The following KLF6 variants were observed in gnomAD, a reference collection of about 807,000 sequenced individuals.
KLF6 encodes KLF transcription factor 6.
For synonymous variants in KLF6, 152 were observed against 147.9 expected, an observed-to-expected ratio of 1.03 and a Z score of -0.20; for missense variants, 233 against 359.8, an observed-to-expected ratio of 0.65 and a Z score of 2.85.
Position 3,780,282 on chromosome 10 carries a change from G to T in KLF6, c.677-53C>A. 6.2e-7 allele frequency: 1 copy of T among 1,607,102 alleles called. No homozygotes were observed. On this transcript the variant is annotated intron_variant, in intron 2 of 3. Coordinates refer to ENST00000497571, the MANE Select transcript of KLF6 (RefSeq NM_001300.6). The surrounding 1 kb of genome is among the most constrained non-coding windows in gnomAD (Gnocchi z 4.6). ...CCATGACTTCACTGACCCGCAGACGGAAAGGGGAAATTCAACAACACACAC... is the reference window on the plus strand; with the variant it reads ...CCATGACTTCACTGACCCGCAGACGTAAAGGGGAAATTCAACAACACACAC...
chr10:3,776,688 T>C lies in KLF6; in HGVS notation c.*2851A>G. On this transcript the variant is annotated 3_prime_UTR_variant, in exon 4 of 4. Coordinates refer to ENST00000497571, the MANE Select transcript of KLF6 (RefSeq NM_001300.6). ...AAAAATCTTACAAAGATTCTTTAGA[T>C]AACAGGGTGCTTCCAAAAAAAAAAA... The C allele has an allele frequency of 2.2e-6, 1 of 457,990 alleles. No individual in the cohort carries two copies. Among genetic ancestry groups the C allele is most frequent in the Non-Finnish European group, 4.1e-6 (1 of 245,208 alleles). The allele number at this position is 457,990 out of a possible 1,614,324, so 28.4% of individuals were successfully genotyped here.
chr10:3,784,776 G>A (rs1212210104), intron 1 of KLF6, 137 bp downstream of exon 1: 15 of 765,854 alleles, frequency 2.0e-5, no homozygotes, highest in Non-Finnish European at 2.9e-5. Context: ...GATCGGCGGG[G>A]GCGCTGCGCC....
rs1457330934 is a variant in KLF6, at chr10:3,781,731, T to G, written c.586A>C (p.Arg196=). 1 of 1,614,192 alleles carries G rather than the reference T, an allele frequency of 6.2e-7. No homozygotes were observed. Residue 196 remains arginine, a synonymous_variant, in exon 2 of 4, where the codon AGG becomes CGG. Coordinates refer to ENST00000497571, the MANE Select transcript of KLF6 (RefSeq NM_001300.6). The surrounding 1 kb of genome is among the most constrained non-coding windows in gnomAD (Gnocchi z 5.8). ...KGNGDASPDG[R]RRVHRCHFNG... ...AAGTGGCACCGGTGCACCCTCCTCC[T>G]GCCGTCGGGGGAGGCATCGCCATTT...
Position 3,776,200 on chromosome 10 carries a change from C to T in KLF6, c.*3339G>A. 1 of 532,098 alleles carries T rather than the reference C, an allele frequency of 1.9e-6. No individual in the cohort carries two copies. The highest frequency in any genetic ancestry group is 3.6e-6 in the Non-Finnish European group (1 of 274,886). 33.0% of individuals were successfully genotyped at this position (532,098 alleles called of 1,614,324 possible). A position where few individuals can be genotyped will look rare whatever the true frequency, so the allele number is the denominator to read the frequency against. The stretch of plus-strand genomic sequence containing the variant: ...GCAGGCTGTGGAGGCACAGAAGTGG[C>T]AGGGAAACACTCAAGTTTGTCGTTG... On this transcript the variant is annotated 3_prime_UTR_variant, in exon 4 of 4. Coordinates refer to ENST00000497571, the MANE Select transcript of KLF6 (RefSeq NM_001300.6).
In KLF6 at chr10:3,778,169, G is replaced by A. The variant is rs554226109; in HGVS notation, c.*1370C>T. 3.7e-4 allele frequency: 194 copies of A among 521,818 alleles called. 1 individual carries two copies. Among genetic ancestry groups the A allele is most frequent in the African/African-American group, 3.4e-3 (183 of 53,218 alleles). 32.3% of individuals were successfully genotyped at this position (521,818 alleles called of 1,614,324 possible). On this transcript the variant is annotated 3_prime_UTR_variant, in exon 4 of 4. Coordinates refer to ENST00000497571, the MANE Select transcript of KLF6 (RefSeq NM_001300.6). ...TCTTTGTGAAGGAGGACCTTAAAGA[G>A]ATTTTTTTTCTGTATTATACGTTGA...
Position 3,778,478 on chromosome 10 carries a change from A to G in KLF6, c.*1061T>C, listed in dbSNP as rs748646759. 5.7e-6 allele frequency: 3 copies of G among 525,358 alleles called. No individual in the cohort carries two copies. Among genetic ancestry groups the G allele is most frequent in the South Asian group, 4.6e-5 (3 of 65,114 alleles). The allele number at this position is 525,358 out of a possible 1,614,324, so 32.5% of individuals were successfully genotyped here. The stretch of plus-strand genomic sequence containing the variant: ...CATTAGACCAGCAATTCCCAGCCCC[A>G]GCTTTGTGACACTCAATACGTGTCC... On this transcript the variant is annotated 3_prime_UTR_variant, in exon 4 of 4. Coordinates refer to ENST00000497571, the MANE Select transcript of KLF6 (RefSeq NM_001300.6).
Position 3,785,147 on chromosome 10 carries a change from G to A in KLF6, c.-133C>T, listed in dbSNP as rs1219868667. ...CCAGGCTCGCAGAGACGCCCGGCCG[G>A]ACCCTCCCGCAGCCCGCAGCGCGCG... On this transcript the variant is annotated 5_prime_UTR_variant, in exon 1 of 4. Coordinates refer to ENST00000497571, the MANE Select transcript of KLF6 (RefSeq NM_001300.6). The A allele has an allele frequency of 6.6e-7, 1 of 1,525,536 alleles. No homozygotes were observed. The highest frequency in any genetic ancestry group is 1.4e-5 in the African/African-American group (1 of 72,720). 94.5% of individuals were successfully genotyped at this position (1,525,536 alleles called of 1,614,324 possible).
chr10:3,778,962 C>T lies in KLF6; in HGVS notation c.*577G>A, dbSNP rs984130425. ...GGGGGAGAGAGGCTCTCCCTCCCCA[C>T]ACCACTCGCCACTCTGGGGTCCTGA... is the stretch of plus-strand genomic sequence containing the variant. On this transcript the variant is annotated 3_prime_UTR_variant, in exon 4 of 4. Coordinates refer to ENST00000497571, the MANE Select transcript of KLF6 (RefSeq NM_001300.6). 20 of 534,850 alleles carry T rather than the reference C, an allele frequency of 3.7e-5. No homozygotes were observed. Among genetic ancestry groups the T allele is most frequent in the African/African-American group, 3.1e-4 (17 of 53,984 alleles). 33.1% of individuals were successfully genotyped at this position (534,850 alleles called of 1,614,324 possible). A position where few individuals can be genotyped will look rare whatever the true frequency, so the allele number is the denominator to read the frequency against.
rs1463809124 is a variant in KLF6 at position 3,778,940 on chromosome 10, GGA to G, written c.*597_*598del. On this transcript the variant is annotated 3_prime_UTR_variant, in exon 4 of 4. Transcript: ENST00000497571. The stretch of plus-strand genomic sequence containing the variant: ...AGAGTTCCTCTCACACAGAAAAGGG[GGA>G]GAGAGGCTCTCCCTCCCCACACCAC... 1.9e-6 allele frequency: 1 copy of G among 534,804 alleles called. No individual in the cohort carries two copies. The highest frequency in any genetic ancestry group is 1.5e-5 in the South Asian group (1 of 65,172). 33.1% of individuals were successfully genotyped at this position (534,804 alleles called of 1,614,324 possible). A position where few individuals can be genotyped will look rare whatever the true frequency, so the allele number is the denominator to read the frequency against.
At position 3,776,373 on chromosome 10, in the gene KLF6, C is replaced by T. The variant is rs971824728; in HGVS notation, c.*3166G>A. On this transcript the variant is annotated 3_prime_UTR_variant, in exon 4 of 4. Coordinates refer to ENST00000497571, the MANE Select transcript of KLF6 (RefSeq NM_001300.6). The stretch of plus-strand genomic sequence containing the variant: ...CATTCAGGGAGGGCAATGTCAGGCT[C>T]GCTGACATCCTCTCCAGCTCCCAGG... 3.0e-5 allele frequency: 16 copies of T among 532,072 alleles called. No individual in the cohort carries two copies. The highest frequency in any genetic ancestry group is 2.2e-4 in the African/African-American group (12 of 53,654). 33.0% of individuals were successfully genotyped at this position (532,072 alleles called of 1,614,324 possible).
chr10:3,781,683 T>C lies in KLF6; in HGVS notation c.634A>G (p.Thr212Ala). ...TGTGCTTTCAAGTGGGAGCTTTTGG[T>C]GTAAACTTTCCTGCAGCCGTTAAAG... is the stretch of plus-strand genomic sequence containing the variant. ...CHFNGCRKVY[T>A]KSSHLKAHQR... is the part of the protein sequence containing the mutation. Residue 212 changes from threonine to alanine, a missense_variant, in exon 2 of 4, where the codon ACC (threonine) becomes GCC (alanine). By Grantham distance (58) the Thr-to-Ala change is moderately conservative (BLOSUM62 0). Coordinates refer to ENST00000497571, the MANE Select transcript of KLF6 (RefSeq NM_001300.6). This position sits in a 1 kb window ranked among gnomAD's most constrained non-coding sequence, Gnocchi z 5.8. 3 of 1,613,430 alleles carry C rather than the reference T, an allele frequency of 1.9e-6. No homozygotes were observed. Among genetic ancestry groups the C allele is most frequent in the Non-Finnish European group, 2.5e-6 (3 of 1,179,474 alleles).
chr10:3,784,583 C>A (rs540682654), intron 1 of KLF6, among the ~76,000 whole-genome samples: 2 of 150,278 alleles, frequency 1.3e-5, no homozygotes, highest in Admixed American at 6.7e-5. Context: ...TAAAAAAAAA[C>A]AACAAAAAAC....
Position 3,782,971 on chromosome 10 carries a change from C to T in KLF6, c.103-757G>A, listed in dbSNP as rs1160993020. On this transcript the variant is annotated intron_variant, in intron 1 of 3. Coordinates refer to ENST00000497571, the MANE Select transcript of KLF6 (RefSeq NM_001300.6). The surrounding 1 kb of genome is among the most constrained non-coding windows in gnomAD (Gnocchi z 4.3). ...GAGTGCAGAAATAATTCCAGCATGGCCATCTGCTATTGTGAAGGGTGCAAG... is the reference window on the plus strand; with the variant it reads ...GAGTGCAGAAATAATTCCAGCATGGTCATCTGCTATTGTGAAGGGTGCAAG... Among the ~76,000 whole-genome samples, 3 of 152,176 alleles carry T rather than the reference C, an allele frequency of 2.0e-5. No individual in the cohort carries two copies. In the East Asian group the frequency reaches 5.8e-4, roughly 29 times the overall value.
chr10:3,780,380 G>C lies in KLF6; in HGVS notation c.677-151C>G, dbSNP rs1335997995. 1.7e-5 allele frequency: 15 copies of C among 881,100 alleles called. No homozygotes were observed. The highest frequency in any genetic ancestry group is 9.8e-5 in the African/African-American group (6 of 61,204). The allele number at this position is 881,100 out of a possible 1,614,324, so 54.6% of individuals were successfully genotyped here. A position where few individuals can be genotyped will look rare whatever the true frequency, so the allele number is the denominator to read the frequency against. On this transcript the variant is annotated intron_variant, in intron 2 of 3. Coordinates refer to ENST00000497571, the MANE Select transcript of KLF6 (RefSeq NM_001300.6). This position sits in a 1 kb window ranked among gnomAD's most constrained non-coding sequence, Gnocchi z 4.6. ...ACACACAACAACTGGCAGCCTCAGA[G>C]AGACAACAGCAGCTCTCTCCTGACC...
Position 3,777,408 on chromosome 10 carries a change from C to T in KLF6, c.*2131G>A. On this transcript the variant is annotated 3_prime_UTR_variant, in exon 4 of 4. Transcript: ENST00000497571. ...AAAGAATCCCTGTGGTTAGCTTACTCTTAGGTTAGATCTTCTAATAAGGCT... is the reference window on the plus strand; with the variant it reads ...AAAGAATCCCTGTGGTTAGCTTACTTTTAGGTTAGATCTTCTAATAAGGCT... 1 of 510,626 alleles carries T rather than the reference C, an allele frequency of 2.0e-6. No homozygotes were observed. Among genetic ancestry groups the T allele is most frequent in the South Asian group, 1.5e-5 (1 of 64,980 alleles). The allele number at this position is 510,626 out of a possible 1,614,324, so 31.6% of individuals were successfully genotyped here. A position where few individuals can be genotyped will look rare whatever the true frequency, so the allele number is the denominator to read the frequency against.
In KLF6 at chr10:3,780,630, T is replaced by C. The variant is rs1588342728; in HGVS notation, c.677-401A>G. 1 of 334,118 alleles carries C rather than the reference T, an allele frequency of 3.0e-6. No individual in the cohort carries two copies. Among genetic ancestry groups the C allele is most frequent in the East Asian group, 7.4e-5 (1 of 13,430 alleles). The allele number at this position is 334,118 out of a possible 1,614,324, so 20.7% of individuals were successfully genotyped here. ...CACTTCTGTTCCATCCTCACTTCCCTATGGAATGTGCCTCTGCAGTTTCCT... is the reference window on the plus strand; with the variant it reads ...CACTTCTGTTCCATCCTCACTTCCCCATGGAATGTGCCTCTGCAGTTTCCT... On this transcript the variant is annotated intron_variant, in intron 2 of 3. Coordinates refer to ENST00000497571, the MANE Select transcript of KLF6 (RefSeq NM_001300.6). This position sits in a 1 kb window ranked among gnomAD's most constrained non-coding sequence, Gnocchi z 4.6.
chr10:3,779,235 AACAT>A lies in KLF6; in HGVS notation c.*300_*303del. 1 of 583,992 alleles carries A rather than the reference AACAT, an allele frequency of 1.7e-6. No homozygotes were observed. The highest frequency in any genetic ancestry group is 3.2e-6 in the Non-Finnish European group (1 of 309,520). 36.2% of individuals were successfully genotyped at this position (583,992 alleles called of 1,614,324 possible). A position where few individuals can be genotyped will look rare whatever the true frequency, so the allele number is the denominator to read the frequency against. ...ATCATACGGTCAGTAATAGATCCTC[AACAT>A]ACAATCAACCCAACCATTAGCATTC... On this transcript the variant is annotated 3_prime_UTR_variant, in exon 4 of 4. Coordinates refer to ENST00000497571, the MANE Select transcript of KLF6 (RefSeq NM_001300.6).
intron 1 of KLF6, among the ~76,000 whole-genome samples, chr10:3,784,601 C>CAAA: frequency 6.7e-6 from 1 of 148,470 alleles, no homozygotes; most frequent in South Asian, 2.1e-4. Flanking sequence ...AACAAACAAA[C>CAAA]AAAAAAAAAA....
At position 3,776,486 on chromosome 10, in the gene KLF6, G is replaced by T. The variant is rs911548569; in HGVS notation, c.*3053C>A. ...GATTTGCCCCCAGGAGGAAGCCAGG[G>T]TGATGAATGCAGGAGGAATCTGTTC... On this transcript the variant is annotated 3_prime_UTR_variant, in exon 4 of 4. Coordinates refer to ENST00000497571, the MANE Select transcript of KLF6 (RefSeq NM_001300.6). 3 of 530,720 alleles carry T rather than the reference G, an allele frequency of 5.7e-6. No individual in the cohort carries two copies. Among genetic ancestry groups the T allele is most frequent in the Non-Finnish European group, 1.1e-5 (3 of 274,202 alleles). 32.9% of individuals were successfully genotyped at this position (530,720 alleles called of 1,614,324 possible).
Sources: allele counts gnomAD v4.1 joint callset (sites outside exome capture counted in the v4.1 genomes callset), GRCh38; gene constraint gnomAD v4.1.1; non-coding constraint Gnocchi (gnomAD v3.1); transcripts MANE v1.5; gene names NCBI Gene and HGNC (gene_info 2026-07-23, HGNC 2026-07-21).